The following FGF14 variants were observed in gnomAD, a reference collection of about 807,000 sequenced individuals.
FGF14 encodes fibroblast growth factor 14.
A neutral mutation model predicts 25.5 loss-of-function variants in FGF14; 5 were observed. The observed-to-expected ratio is 0.20, with a 90% CI of 0.10 to 0.41. The LOEUF (loss-of-function observed/expected upper bound fraction) is 0.41. Among genes scored for constraint, FGF14 ranks in the 10% least tolerant of loss-of-function variants. FGF14 has a pLI of 1.00. For missense variants in FGF14, 222 were observed against 320.1 expected (o/e 0.69, Z 2.34); for synonymous variants, 138 against 118.3 (o/e 1.17, Z -1.08).
intron 1 of FGF14, among the ~76,000 whole-genome samples, chr13:102,190,780 C>G (rs952615085): frequency 2.0e-5 from 3 of 152,094 alleles, no homozygotes; most frequent in African/African-American, 7.2e-5. Flanking sequence ...AACACTAAAT[C>G]AACATTTTAA....
At chr13:102,182,871 C>T (rs2048732090) in intron 1 of FGF14, among the ~76,000 whole-genome samples, 1 of 152,178 alleles carries the variant, frequency 6.6e-6, no homozygotes, top group Non-Finnish European at 1.5e-5. Context: ...ATCCATTCTT[C>T]CTATGACTGT....
In FGF14 at chr13:102,241,146, A is replaced by AT. The variant is rs1311318590; in HGVS notation, c.208+160324dup. On this transcript the variant is annotated intron_variant, in intron 1 of 4. Transcript: ENST00000376131. ...ATAATGAACAGTGGACGCTTTGATC[A>AT]TTGTAGAGAAAGGGGCACTCATACA... Among the ~76,000 whole-genome samples, 4 of 152,244 alleles carry AT rather than the reference A, an allele frequency of 2.6e-5. No homozygotes were observed. The East Asian group carries it at 7.7e-4, about 29-fold the overall frequency.
chr13:101,905,115 G>A (rs1315803286), intron 1 of FGF14, among the ~76,000 whole-genome samples: 1 of 152,182 alleles, frequency 6.6e-6, no homozygotes, highest in Non-Finnish European at 1.5e-5. Flanking sequence ...GCATTGAACA[G>A]AAAGGAGTGG....
chr13:101,859,041 C>T (rs571693871), intron 3 of FGF14, among the ~76,000 whole-genome samples: 5 of 152,026 alleles, frequency 3.3e-5, no homozygotes, highest in South Asian at 2.1e-4. Context: ...AGCAAAGCAG[C>T]GTGTAAATAA....
chr13:101,865,263 A>G (rs2044641324), intron 3 of FGF14, among the ~76,000 whole-genome samples: 1 of 152,174 alleles, frequency 6.6e-6, no homozygotes, highest in East Asian at 1.9e-4. Context: ...TCAAAGTCAC[A>G]GGCTTGGAAA....
At chr13:102,254,164 C>A (rs1047984490) in intron 1 of FGF14, among the ~76,000 whole-genome samples, 1 of 152,096 alleles carries the variant, frequency 6.6e-6, no homozygotes, top group Non-Finnish European at 1.5e-5. Context: ...TTAAACAATC[C>A]CAAAACTTCC....
At chr13:101,927,069 T>G (rs1362888783) in intron 1 of FGF14, among the ~76,000 whole-genome samples, 1 of 152,162 alleles carries the variant, frequency 6.6e-6, no homozygotes, top group Non-Finnish European at 1.5e-5. Context: ...CACATTTTTC[T>G]TTGCTCACTC....
chr13:102,354,817 C>T (rs541210185), intron 1 of FGF14, among the ~76,000 whole-genome samples: 3 of 152,234 alleles, frequency 2.0e-5, no homozygotes, highest in South Asian at 2.1e-4. Flanking sequence ...TAAATACACA[C>T]CTCTGTTCTT....
At chr13:102,390,974 C>T (rs1035548268) in intron 1 of FGF14, among the ~76,000 whole-genome samples, 2 of 151,950 alleles carry the variant, frequency 1.3e-5, no homozygotes, top group African/African-American at 2.4e-5. Context: ...AAACTTAAGC[C>T]GAATAAATAT....
At chr13:102,352,286 CA>C (rs1566955824) in intron 1 of FGF14, among the ~76,000 whole-genome samples, 21 of 144,542 alleles carry the variant, frequency 1.5e-4, no homozygotes, top group African/African-American at 4.5e-4. Flanking sequence ...CACACACACA[CA>C]CACCTGCAAC....
chr13:102,341,742 T>C (rs2056958876), intron 1 of FGF14, among the ~76,000 whole-genome samples: 1 of 152,156 alleles, frequency 6.6e-6, no homozygotes. Context: ...TTCTTTTTAC[T>C]TGAAATTGCA....
intron 1 of FGF14, among the ~76,000 whole-genome samples, chr13:102,334,078 C>T (rs1267919057): frequency 1.3e-5 from 2 of 152,112 alleles, no homozygotes; most frequent in East Asian, 1.9e-4. Context: ...AGAAAGATGA[C>T]GTCAAAAGGG....
At position 101,928,529 on chromosome 13, in the gene FGF14, G is replaced by C. The variant is rs192587438; in HGVS notation, c.209-53233C>G. On this transcript the variant is annotated intron_variant, in intron 1 of 4. Coordinates refer to the FGF14 transcript ENST00000376131. ...TATGGCTTTGAACTGAAATCTTACT[G>C]TTATCTTATTTTCCCTATTTTTTTT... Among the ~76,000 whole-genome samples, 493 of 151,826 alleles carry C rather than the reference G, an allele frequency of 3.2e-3. 2 individuals carry two copies. The highest frequency in any genetic ancestry group is 0.011 in the African/African-American group (457 of 41,384).
chr13:101,919,743 C>CT (rs912398089), upstream of FGF14, among the ~76,000 whole-genome samples: 17 of 152,272 alleles, frequency 1.1e-4, no homozygotes, highest in Non-Finnish European at 2.1e-4. Context: ...CAGTTTCTCA[C>CT]TTTTTTCCCT....
intron 3 of FGF14, among the ~76,000 whole-genome samples, chr13:101,730,072 T>C (rs1349049281): frequency 6.6e-6 from 1 of 152,124 alleles, no homozygotes; most frequent in Non-Finnish European, 1.5e-5. Flanking sequence ...AGAAACATAA[T>C]AAAGGGTCTT....
chr13:102,130,950 G>A (rs1272408797), intron 1 of FGF14, among the ~76,000 whole-genome samples: 1 of 152,104 alleles, frequency 6.6e-6, no homozygotes, highest in Non-Finnish European at 1.5e-5. Flanking sequence ...AAATACATTT[G>A]CCCCCACTTT....
At chr13:101,863,481 G>C (rs1184210206) in intron 3 of FGF14, among the ~76,000 whole-genome samples, 1 of 152,176 alleles carries the variant, frequency 6.6e-6, no homozygotes, top group Non-Finnish European at 1.5e-5. Context: ...AAACCTGGGG[G>C]AGGAGGAATA....
At chr13:102,114,835 AGAG>A (rs1255390104) in intron 1 of FGF14, among the ~76,000 whole-genome samples, 4 of 152,088 alleles carry the variant, frequency 2.6e-5, no homozygotes, top group Admixed American at 1.3e-4. Context: ...GGGAAGGGGG[AGAG>A]GAGAAGTTAC....
chr13:102,204,533 CTTTTA>C (rs554070734), intron 1 of FGF14, among the ~76,000 whole-genome samples: 50 of 152,030 alleles, frequency 3.3e-4, no homozygotes, highest in African/African-American at 1.0e-3. Flanking sequence ...GGGCAAGCAT[CTTTTA>C]TTTTATTTTA....
Sources: allele counts gnomAD v4.1 joint callset (sites outside exome capture counted in the v4.1 genomes callset), GRCh38; gene constraint gnomAD v4.1.1; transcripts MANE v1.5; gene names NCBI Gene and HGNC (gene_info 2026-07-23, HGNC 2026-07-21).